The following RBMXL3 variants were observed in gnomAD, a reference collection of about 807,000 sequenced individuals.
RBMXL3 encodes the protein RBMX like 3, also known as RNA-binding motif protein, X-linked-like-3.
RBMXL3 carries 2 observed loss-of-function variants against 0.8 expected under a neutral mutation model. The ratio of observed to expected loss-of-function variants is 2.54; its 90% CI spans 1.04 to 8.00. RBMXL3 has a LOEUF of 8.00. Ranked by LOEUF, RBMXL3 falls within the 30% of genes most tolerant of loss-of-function variation. RBMXL3 has a pLI of 0.04. For missense variants in RBMXL3, 1,127 were observed against 1,068.0 expected (o/e 1.06, Z -0.77); for synonymous variants, 447 against 449.8 (o/e 0.99, Z 0.08).
At position 115,190,860 on chromosome X, in the gene RBMXL3, G is replaced by C; in HGVS notation, c.1419G>C (p.Glu473Asp). The C allele has an allele frequency of 2.6e-6, 3 of 1,156,149 alleles. No homozygotes were observed. The highest frequency in any genetic ancestry group is 3.5e-6 in the Non-Finnish European group (3 of 866,577). Residue 473 changes from glutamate (E) to aspartate (D), a missense_variant, in exon 1 of 1, where the codon GAG becomes GAC. By Grantham distance (45) the Glu-to-Asp change is conservative (BLOSUM62 2). Coordinates refer to ENST00000424776, the MANE Select transcript of RBMXL3 (RefSeq NM_001145346.2). ...GCGGAGGAGGAGGCCGTTATGAGGAGTACCAAGGCCGCTCGCTGGATGCCA... is the reference window on the plus strand; with the variant it reads ...GCGGAGGAGGAGGCCGTTATGAGGACTACCAAGGCCGCTCGCTGGATGCCA... ...DCCGGGGRYEEYQGRSLDANS... is the reference protein window; with the variant it reads ...DCCGGGGRYEDYQGRSLDANS...
Position 115,190,109 on chromosome X carries a change from G to A in RBMXL3, c.668G>A (p.Gly223Glu). The A allele has an allele frequency of 8.6e-7, 1 of 1,156,172 alleles. No individual in the cohort carries two copies. The highest frequency in any genetic ancestry group is 3.3e-5 in the East Asian group (1 of 30,500). Reference protein sequence around the residue: ...LARIGGSGMPGKAPAVWGQDG... With the variant: ...LARIGGSGMPEKAPAVWGQDG... ...CGCATTGGCGGCAGTGGAATGCCTG[G>A]GAAGGCCCCGGCCGTGTGGGGGCAA... is the stretch of plus-strand genomic sequence containing the variant. The change falls in exon 1 of 1, where the codon GGG becomes GAG. Residue 223 changes from glycine to glutamate, a missense_variant. Physicochemically the swap from Gly to Glu is moderately conservative, Grantham distance 98. Coordinates refer to ENST00000424776, the MANE Select transcript of RBMXL3 (RefSeq NM_001145346.2).
Position 115,191,627 on chromosome X carries a change from G to A in RBMXL3, c.2186G>A (p.Ser729Asn), listed in dbSNP as rs782802788. 103 of 1,087,209 alleles carry A rather than the reference G, an allele frequency of 9.5e-5. 1 individual carries two copies. Among genetic ancestry groups the A allele is most frequent in the South Asian group, 3.6e-4 (17 of 46,898 alleles). The allele number at this position is 1,087,209 out of a possible 1,213,427, so 89.6% of individuals were successfully genotyped here. A position where few individuals can be genotyped will look rare whatever the true frequency, so the allele number is the denominator to read the frequency against. ...NSGGRSPDTYSRGHDSSSQSD... is the reference protein window; with the variant it reads ...NSGGRSPDTYNRGHDSSSQSD... ...GGAGGCCGCTCGCCTGACACCTACA[G>A]CCGGGGCCACGACAGTTCCAGCCAG... The change falls in exon 1 of 1, where the codon AGC becomes AAC. Residue 729 changes from serine to asparagine, a missense_variant. Physicochemically the swap from Ser to Asn is conservative, Grantham distance 46. Coordinates refer to ENST00000424776, the MANE Select transcript of RBMXL3 (RefSeq NM_001145346.2).
Position 115,191,144 on chromosome X carries a change from C to A in RBMXL3, c.1703C>A (p.Ser568Tyr), listed in dbSNP as rs1184505428. ...CATGACGCCCACAGTGGGGGCTGCT[C>A]TGCCGACGCCTACAGTGGGGGCCAC... ...RSHDAHSGGCSADAYSGGHDS... is the reference protein window; with the variant it reads ...RSHDAHSGGCYADAYSGGHDS... Residue 568 changes from serine to tyrosine, a missense_variant, in exon 1 of 1, where the codon TCT becomes TAT. Transcript: ENST00000424776. 6 of 1,164,664 alleles carry A rather than the reference C, an allele frequency of 5.2e-6. No homozygotes were observed. Among genetic ancestry groups the A allele is most frequent in the Non-Finnish European group, 6.9e-6 (6 of 872,385 alleles).
chrX:115,191,674 G>C lies in RBMXL3; in HGVS notation c.2233G>C (p.Gly745Arg), dbSNP rs1556559821. The C allele has an allele frequency of 1.7e-6, 2 of 1,164,922 alleles. No individual in the cohort carries two copies. The highest frequency in any genetic ancestry group is 6.5e-5 in the East Asian group (2 of 30,632). The change falls in exon 1 of 1, where the codon GGT becomes CGT. Residue 745 changes from glycine (G) to arginine (R), a missense_variant. By Grantham distance (125) the Gly-to-Arg change is moderately radical. Transcript: ENST00000424776. ...CCAGAGCGACCACTATGGAGGAGGA[G>C]GTCGCTCACTCGATGCCAACAGCAG... ...SSQSDHYGGG[G>R]RSLDANSSGR...
Position 115,192,350 on chromosome X carries a change from G to A in RBMXL3, c.2909G>A (p.Ser970Asn). 1 of 1,081,853 alleles carries A rather than the reference G, an allele frequency of 9.2e-7. No homozygotes were observed. The highest frequency in any genetic ancestry group is 1.2e-6 in the Non-Finnish European group (1 of 809,556). The allele number at this position is 1,081,853 out of a possible 1,213,427, so 89.2% of individuals were successfully genotyped here. The change falls in exon 1 of 1, where the codon AGT (serine) becomes AAT (asparagine). Residue 970 changes from serine to asparagine, a missense_variant. Ser to Asn is a conservative substitution (Grantham distance 46, BLOSUM62 1). Transcript: ENST00000424776. ...HSGGRDSSIK[S>N]YGLSDRYGGG... ...GGGGGCCGCGACAGTTCCATCAAGAGTTACGGCCTGAGCGACCGCTACGGA... is the reference window on the plus strand; with the variant it reads ...GGGGGCCGCGACAGTTCCATCAAGAATTACGGCCTGAGCGACCGCTACGGA...
At position 115,189,881 on chromosome X, in the gene RBMXL3, C is replaced by T. The variant is rs1370796673; in HGVS notation, c.440C>T (p.Pro147Leu). The T allele has an allele frequency of 1.5e-5, 17 of 1,162,884 alleles. No homozygotes were observed. Among genetic ancestry groups the T allele is most frequent in the Non-Finnish European group, 2.0e-5 (17 of 870,865 alleles). The change falls in exon 1 of 1, where the codon CCC becomes CTC. Residue 147 changes from proline (P) to leucine (L), a missense_variant. Physicochemically the swap from Pro to Leu is moderately conservative, Grantham distance 98. Transcript: ENST00000424776. Reference protein sequence around the residue: ...FDLWPYRAPMPRKRGPPPRHW... With the variant: ...FDLWPYRAPMLRKRGPPPRHW... Reference sequence around the variant, plus strand: ...CTGTGGCCCTACAGGGCCCCGATGCCCAGGAAGCGCGGGCCGCCACCGCGG... The same window carrying T: ...CTGTGGCCCTACAGGGCCCCGATGCTCAGGAAGCGCGGGCCGCCACCGCGG...
Position 115,190,748 on chromosome X carries a change from G to T in RBMXL3, c.1307G>T (p.Gly436Val), listed in dbSNP as rs2072795211. Residue 436 changes from glycine (G) to valine (V), a missense_variant, in exon 1 of 1, where the codon GGG becomes GTG. Physicochemically the swap from Gly to Val is moderately radical, Grantham distance 109 (BLOSUM62 -3). Transcript: ENST00000424776. ...YRGRSHEARS[G>V]GRSTDAHSRG... ...GGCCGCTCACACGAGGCCCGCAGCGGGGGCCGCTCCACTGATGCCCACAGC... is the reference window on the plus strand; with the variant it reads ...GGCCGCTCACACGAGGCCCGCAGCGTGGGCCGCTCCACTGATGCCCACAGC... 5.2e-6 allele frequency: 6 copies of T among 1,164,646 alleles called. No individual in the cohort carries two copies. In the Admixed American group the frequency reaches 7.8e-5, roughly 15 times the overall value.
rs181636427 is a variant in RBMXL3 at position 115,190,390 on chromosome X, T to C, written c.949T>C (p.Trp317Arg). The change falls in exon 1 of 1, where the codon TGG becomes CGG. Residue 317 changes from tryptophan to arginine, a missense_variant. By Grantham distance (101) the Trp-to-Arg change is moderately radical. Transcript: ENST00000424776. ...AGGCCCATGCGGCGCTGCCCCTGTG[T>C]GGGGGACACCGCCATCTTATGGAGG... ...YGGPCGAAPV[W>R]GTPPSYGGGC... 4.7e-4 allele frequency: 548 copies of C among 1,160,746 alleles called. No homozygotes were observed. The African/African-American group carries it at 8.6e-3, about 18-fold the overall frequency.
Position 115,192,192 on chromosome X carries a change from AG to A in RBMXL3, c.2753del (p.Gly918AlafsTer56). ...GRGGCYEEYQ[G>X]RSPNAYGGGR... is the part of the protein sequence containing the mutation. The stretch of plus-strand genomic sequence containing the variant: ...GAGGAGGCTGCTACGAGGAATACCA[AG>A]GCCGCTCGCCCAATGCCTACGGCGG... On this transcript the variant is annotated frameshift_variant, in exon 1 of 1. Coordinates refer to ENST00000424776, the MANE Select transcript of RBMXL3 (RefSeq NM_001145346.2). LOFTEE classifies it low-confidence loss of function (END_TRUNC). The A allele has an allele frequency of 1.7e-6, 2 of 1,164,228 alleles. No homozygotes were observed. The highest frequency in any genetic ancestry group is 3.8e-5 in the South Asian group (2 of 52,568).
rs981805871 is a variant in RBMXL3, at chrX:115,191,216, A to T, written c.1775A>T (p.Glu592Val). The T allele has an allele frequency of 1.4e-5, 16 of 1,154,201 alleles. No individual in the cohort carries two copies. Among genetic ancestry groups the T allele is most frequent in the Non-Finnish European group, 1.7e-5 (15 of 867,706 alleles). Residue 592 changes from glutamate to valine, a missense_variant, in exon 1 of 1, where the codon GAG (glutamate) becomes GTG (valine). Glu to Val is a moderately radical substitution (Grantham distance 121). Transcript: ENST00000424776. Reference protein sequence around the residue: ...SNRYGGGGCYEEYRGRSLDAN... With the variant: ...SNRYGGGGCYVEYRGRSLDAN... ...CGCTACGGAGGAGGAGGCTGCTACG[A>T]GGAGTACCGAGGCCGCTCCCTCGAT...
At position 115,190,771 on chromosome X, in the gene RBMXL3, A is replaced by G; in HGVS notation, c.1330A>G (p.Ser444Gly). 2 of 1,166,340 alleles carry G rather than the reference A, an allele frequency of 1.7e-6. No homozygotes were observed. Among genetic ancestry groups the G allele is most frequent in the Non-Finnish European group, 2.3e-6 (2 of 872,710 alleles). Residue 444 changes from serine (S) to glycine (G), a missense_variant, in exon 1 of 1, where the codon AGC becomes GGC. Transcript: ENST00000424776. ...CGGGGGCCGCTCCACTGATGCCCAC[A>G]GCAGGGGCCGGTCCGACGACGCCTA... ...RSGGRSTDAHSRGRSDDAYSG... is the reference protein window; with the variant it reads ...RSGGRSTDAHGRGRSDDAYSG...
rs2072772030 is a variant in RBMXL3, at chrX:115,189,941, C to T, written c.500C>T (p.Pro167Leu). Reference protein sequence around the residue: ...WASPPHKRATPSSLAHSVGCG... With the variant: ...WASPPHKRATLSSLAHSVGCG... Reference sequence around the variant, plus strand: ...AGCCCACCCCACAAGAGGGCCACGCCGTCGAGCCTGGCTCACAGCGTTGGC... The same window carrying T: ...AGCCCACCCCACAAGAGGGCCACGCTGTCGAGCCTGGCTCACAGCGTTGGC... Residue 167 changes from proline (P) to leucine (L), a missense_variant, in exon 1 of 1, where the codon CCG (proline) becomes CTG (leucine). Pro to Leu is a moderately conservative substitution (Grantham distance 98). Transcript: ENST00000424776. 7 of 1,158,830 alleles carry T rather than the reference C, an allele frequency of 6.0e-6. No homozygotes were observed. Among genetic ancestry groups the T allele is most frequent in the Non-Finnish European group, 8.1e-6 (7 of 868,631 alleles).
chrX:115,189,531 G>A lies in RBMXL3; in HGVS notation c.90G>A (p.Lys30=). ...AAGCCCTCAAAGCCGAGTTTGGCAA[G>A]TATGGCCACATCATCAAGGTGTTCC... ...DEKALKAEFG[K]YGHIIKVFLM... Residue 30 remains lysine (K), a synonymous_variant, in exon 1 of 1, where the codon AAG becomes AAA. Coordinates refer to ENST00000424776, the MANE Select transcript of RBMXL3 (RefSeq NM_001145346.2). The A allele has an allele frequency of 8.5e-7, 1 of 1,180,981 alleles. No individual in the cohort carries two copies. The highest frequency in any genetic ancestry group is 1.1e-6 in the Non-Finnish European group (1 of 879,258).
At position 115,190,927 on chromosome X, in the gene RBMXL3, G is replaced by A. The variant is rs782706485; in HGVS notation, c.1486G>A (p.Asp496Asn). The change falls in exon 1 of 1, where the codon GAC becomes AAC. Residue 496 changes from aspartate to asparagine, a missense_variant. Physicochemically the swap from Asp to Asn is conservative, Grantham distance 23 (BLOSUM62 1). Coordinates refer to ENST00000424776, the MANE Select transcript of RBMXL3 (RefSeq NM_001145346.2). Reference protein sequence around the residue: ...CSPEAYSGGHDNSSWSDRYGV... With the variant: ...CSPEAYSGGHNNSSWSDRYGV... ...GCCCGAGGCCTACAGTGGGGGCCAC[G>A]ACAATTCCAGCTGGAGCGACCGCTA... The A allele has an allele frequency of 1.1e-4, 133 of 1,159,624 alleles. No individual in the cohort carries two copies. The highest frequency in any genetic ancestry group is 1.4e-4 in the Non-Finnish European group (121 of 871,084).
At position 115,190,845 on chromosome X, in the gene RBMXL3, A is replaced by C. The variant is rs1290260496; in HGVS notation, c.1404A>C (p.Gly468=). ...GCTGGAGCGACTGCTGCGGAGGAGG[A>C]GGCCGTTATGAGGAGTACCAAGGCC... is the stretch of plus-strand genomic sequence containing the variant. ...SSSWSDCCGG[G]GRYEEYQGRS... Residue 468 remains glycine, a synonymous_variant, in exon 1 of 1, where the codon GGA becomes GGC. Transcript: ENST00000424776. 18 of 1,152,428 alleles carry C rather than the reference A, an allele frequency of 1.6e-5. No individual in the cohort carries two copies. The highest frequency in any genetic ancestry group is 2.0e-5 in the Non-Finnish European group (17 of 865,238). 95.0% of individuals were successfully genotyped at this position (1,152,428 alleles called of 1,213,427 possible).
At position 115,191,142 on chromosome X, in the gene RBMXL3, C is replaced by G; in HGVS notation, c.1701C>G (p.Cys567Trp). ...GRSHDAHSGGCSADAYSGGHD... is the reference protein window; with the variant it reads ...GRSHDAHSGGWSADAYSGGHD... ...CGCATGACGCCCACAGTGGGGGCTGCTCTGCCGACGCCTACAGTGGGGGCC... is the reference window on the plus strand; with the variant it reads ...CGCATGACGCCCACAGTGGGGGCTGGTCTGCCGACGCCTACAGTGGGGGCC... The change falls in exon 1 of 1, where the codon TGC becomes TGG. Residue 567 changes from cysteine to tryptophan, a missense_variant. Physicochemically the swap from Cys to Trp is radical, Grantham distance 215. Transcript: ENST00000424776. 2 of 1,165,323 alleles carry G rather than the reference C, an allele frequency of 1.7e-6. No individual in the cohort carries two copies. Among genetic ancestry groups the G allele is most frequent in the Non-Finnish European group, 2.3e-6 (2 of 872,367 alleles).
Position 115,189,806 on chromosome X carries a change from CCT to C in RBMXL3, c.369_370del (p.Gln124GlyfsTer4), listed in dbSNP as rs782579302. The stretch of plus-strand genomic sequence containing the variant: ...GGTGGCAGCAGCCCACAGCGACCCC[CCT>C]CTCAGGGCAGGCCTGATGACGGCCG... On this transcript the variant is annotated frameshift_variant, in exon 1 of 1. Coordinates refer to ENST00000424776, the MANE Select transcript of RBMXL3 (RefSeq NM_001145346.2). LOFTEE classifies it low-confidence loss of function (END_TRUNC). 1.7e-6 allele frequency: 2 copies of C among 1,167,415 alleles called. No homozygotes were observed. Among genetic ancestry groups the C allele is most frequent in the Non-Finnish European group, 2.3e-6 (2 of 873,099 alleles).
Position 115,192,591 on chromosome X carries a change from CGGAGGCCGTCAA to C in RBMXL3, c.3159_3170del (p.Gln1054_Arg1057del), listed in dbSNP as rs2072853114. 1 of 1,169,977 alleles carries C rather than the reference CGGAGGCCGTCAA, an allele frequency of 8.5e-7. No individual in the cohort carries two copies. Among genetic ancestry groups the C allele is most frequent in the Admixed American group, 2.6e-5 (1 of 39,159 alleles). On this transcript the variant is annotated inframe_deletion, in exon 1 of 1. Coordinates refer to ENST00000424776, the MANE Select transcript of RBMXL3 (RefSeq NM_001145346.2). Reference sequence around the variant, plus strand: ...GGTCAGGCTGCAGGGTGCCCAGGGGCGGAGGCCGTCAAGGAGGCCGCTTCGAGAGGGGGGAAG... The same window carrying C: ...GGTCAGGCTGCAGGGTGCCCAGGGGCGGAGGCCGCTTCGAGAGGGGGGAAG...
rs1405002043 is a variant in RBMXL3, at chrX:115,189,981, G to T, written c.540G>T (p.Gly180=). 2 of 1,163,591 alleles carry T rather than the reference G, an allele frequency of 1.7e-6. No individual in the cohort carries two copies. Among genetic ancestry groups the T allele is most frequent in the Non-Finnish European group, 2.3e-6 (2 of 872,162 alleles). ...LAHSVGCGMR[G]KAPTVSGQDG... ...ACAGCGTTGGCTGTGGAATGCGCGG[G>T]AAGGCACCGACTGTGTCGGGGCAAG... Residue 180 remains glycine, a synonymous_variant, in exon 1 of 1, where the codon GGG becomes GGT. Coordinates refer to ENST00000424776, the MANE Select transcript of RBMXL3 (RefSeq NM_001145346.2).
Sources: allele counts gnomAD v4.1 joint callset, GRCh38; gene constraint gnomAD v4.1.1; transcripts MANE v1.5; gene names NCBI Gene and HGNC (gene_info 2026-07-23, HGNC 2026-07-21).